EPHA5: variants seen among roughly 807,000 people sequenced by gnomAD.
EPHA5 encodes the protein ephrin type-A receptor 5.
In EPHA5, 60 loss-of-function variants were observed where a neutral mutation model predicts 105.0. That is an observed-to-expected ratio of 0.57 (90% CI 0.46 to 0.71). The LOEUF (loss-of-function observed/expected upper bound fraction) is 0.71, where lower values mean the gene tolerates loss of function less well. EPHA5 is among the 30% of genes least tolerant of loss of function. EPHA5 has a pLI of 0.00. For synonymous variants in EPHA5, 513 were observed against 449.1 expected (o/e 1.14, Z -1.80); for missense variants, 1,218 against 1,274.7 (o/e 0.96, Z 0.68).
At chr4:65,534,291 TAAAC>T (rs1257608248) in intron 3 of EPHA5, among the ~76,000 whole-genome samples, 4 of 152,176 alleles carry the variant, frequency 2.6e-5, no homozygotes, top group Admixed American at 6.5e-5. Flanking sequence ...AACTCAATAA[TAAAC>T]AATCACAATA....
At chr4:65,557,235 T>TATATATATATAC (rs1218092194) in intron 3 of EPHA5, among the ~76,000 whole-genome samples, 7 of 138,534 alleles carry the variant, frequency 5.1e-5, no homozygotes, top group Non-Finnish European at 9.4e-5. Context: ...TATACTGGGA[T>TATATATATATAC]ATATATATAT....
chr4:65,646,058 A>C (rs1748086886), intron 1 of EPHA5, among the ~76,000 whole-genome samples: 1 of 152,168 alleles, frequency 6.6e-6, no homozygotes, highest in Non-Finnish European at 1.5e-5. Context: ...AAATAACTAA[A>C]ATGTATGTGC....
chr4:65,544,605 A>C (rs2149328230), intron 3 of EPHA5, among the ~76,000 whole-genome samples: 1 of 152,110 alleles, frequency 6.6e-6, no homozygotes, highest in African/African-American at 2.4e-5. Flanking sequence ...ATGGAGAAAT[A>C]GCGACGCTTT....
intron 9 of EPHA5, among the ~76,000 whole-genome samples, chr4:65,367,141 T>A (rs1717985807): frequency 6.6e-6 from 1 of 151,718 alleles, no homozygotes; most frequent in Admixed American, 6.6e-5. Flanking sequence ...AAGTATTATT[T>A]AAATAATTGA....
At chr4:65,401,700 G>A (rs538049410) in intron 8 of EPHA5, among the ~76,000 whole-genome samples, 1 of 152,198 alleles carries the variant, frequency 6.6e-6, no homozygotes, top group African/African-American at 2.4e-5. Context: ...TAATTGCTAA[G>A]ATGTTGCTGT....
chr4:65,421,768 A>G (rs1387818298), intron 5 of EPHA5, among the ~76,000 whole-genome samples: 1 of 152,168 alleles, frequency 6.6e-6, no homozygotes, highest in Non-Finnish European at 1.5e-5. Context: ...GTTCACTGCT[A>G]CATTTCTAAG....
chr4:65,603,023 A>G (rs1194520619), intron 2 of EPHA5, among the ~76,000 whole-genome samples: 1 of 152,120 alleles, frequency 6.6e-6, no homozygotes, highest in Admixed American at 6.5e-5. Flanking sequence ...GAATATGGAT[A>G]GCCTTGTCAT....
chr4:65,573,736 C>T, intron 3 of EPHA5: 1 of 1,604,490 alleles, frequency 6.2e-7, no homozygotes, highest in Non-Finnish European at 8.5e-7. Context: ...GCAACTGTTA[C>T]AAAACCAGTT....
chr4:65,423,448 C>T (rs1200769246), intron 5 of EPHA5, among the ~76,000 whole-genome samples: 5 of 152,000 alleles, frequency 3.3e-5, no homozygotes, highest in Non-Finnish European at 4.4e-5. Context: ...GGAATATCTA[C>T]TTAAATTATT....
chr4:65,618,532 C>T (rs1745440962), intron 2 of EPHA5, among the ~76,000 whole-genome samples: 1 of 152,180 alleles, frequency 6.6e-6, no homozygotes, highest in Non-Finnish European at 1.5e-5. Flanking sequence ...GATCTGATCA[C>T]TCTACAGGAT....
chr4:65,367,597 G>T (rs571199228), intron 8 of EPHA5, among the ~76,000 whole-genome samples, 173 bp from the exon 9 acceptor site: 1 of 152,048 alleles, frequency 6.6e-6, no homozygotes, highest in East Asian at 1.9e-4. Context: ...TCCCTAACCA[G>T]TGTTTCTCAC....
chr4:65,421,243 G>A (rs1368087751), intron 5 of EPHA5, among the ~76,000 whole-genome samples: 5 of 151,820 alleles, frequency 3.3e-5, no homozygotes, highest in African/African-American at 9.7e-5. Flanking sequence ...CTGCTCTTTC[G>A]GGTATGTCTG....
Position 65,545,206 on chromosome 4 carries a change from A to G in EPHA5, c.911-49663T>C, listed in dbSNP as rs536788308. ...TGACATCGGAGAATCAGCATCTATG[A>G]TTCTTTAATAAGCATATTTTTGCTA... On this transcript the variant is annotated intron_variant, in intron 3 of 16. Transcript: ENST00000613740. Among the ~76,000 whole-genome samples, 5 of 151,988 alleles carry G rather than the reference A, an allele frequency of 3.3e-5. No individual in the cohort carries two copies. The South Asian group carries it at 1.0e-3, about 32-fold the overall frequency.
chr4:65,348,282 CTAGACAGAGA>C lies in EPHA5; in HGVS notation c.2446-89_2446-80del, dbSNP rs1378921459. The C allele has an allele frequency of 4.6e-6, 6 of 1,307,208 alleles. No individual in the cohort carries two copies. The East Asian group carries it at 1.4e-4, about 31-fold the overall frequency. The allele number at this position is 1,307,208 out of a possible 1,614,324, so 81.0% of individuals were successfully genotyped here. ...GACAGTGTTGCCTCACTGAAAAGAT[CTAGACAGAGA>C]TGTAGCATTTTTAAGTGAATCTGTT... On this transcript the variant is annotated intron_variant, in intron 13 of 16. Coordinates refer to ENST00000613740, the MANE Select transcript of EPHA5 (RefSeq NM_001281766.3).
chr4:65,390,508 C>A (rs754434590), intron 8 of EPHA5, among the ~76,000 whole-genome samples: 1 of 151,986 alleles, frequency 6.6e-6, no homozygotes, highest in African/African-American at 2.4e-5. Context: ...GTATAATAAA[C>A]TTTGTTTTCC....
At chr4:65,394,629 G>A (rs1048211471) in intron 8 of EPHA5, among the ~76,000 whole-genome samples, 1 of 152,138 alleles carries the variant, frequency 6.6e-6, no homozygotes, top group Non-Finnish European at 1.5e-5. Flanking sequence ...GGTTCTCTGT[G>A]TCAAGGAAGT....
chr4:65,481,797 A>G (rs1383002888), intron 5 of EPHA5, among the ~76,000 whole-genome samples: 1 of 152,234 alleles, frequency 6.6e-6, no homozygotes, highest in African/African-American at 2.4e-5. Flanking sequence ...GCTGGTATAA[A>G]TATCTGATTA....
chr4:65,636,598 T>C (rs1747141873), intron 2 of EPHA5, among the ~76,000 whole-genome samples: 1 of 152,090 alleles, frequency 6.6e-6, no homozygotes, highest in Admixed American at 6.6e-5. Context: ...TTGGTGTATA[T>C]TTATATACTG....
chr4:65,479,390 TGCAA>T (rs954147967), intron 5 of EPHA5, among the ~76,000 whole-genome samples: 4 of 152,188 alleles, frequency 2.6e-5, no homozygotes, highest in African/African-American at 9.6e-5. Context: ...ATGTACTAGA[TGCAA>T]GCAAACAGAA....
Sources: allele counts gnomAD v4.1 joint callset (sites outside exome capture counted in the v4.1 genomes callset), GRCh38; gene constraint gnomAD v4.1.1; transcripts MANE v1.5; gene names NCBI Gene and HGNC (gene_info 2026-07-23, HGNC 2026-07-21).